The following ELF1 variants were observed in gnomAD, a reference collection of about 807,000 sequenced individuals.
ELF1 encodes ETS-related transcription factor Elf-1.
In ELF1, 24 loss-of-function variants were observed where a neutral mutation model predicts 59.9. That is an observed-to-expected ratio of 0.40 (90% confidence interval 0.29 to 0.56). The LOEUF (loss-of-function observed/expected upper bound fraction) is 0.56. ELF1 is among the 20% of genes least tolerant of loss of function. The pLI, the probability that ELF1 is intolerant of heterozygous loss-of-function variation, is 0.44. For missense variants in ELF1, 627 were observed against 742.2 expected (o/e 0.84, Z 1.80); for synonymous variants, 248 against 266.2 (o/e 0.93, Z 0.67).
intron 1 of ELF1, among the ~76,000 whole-genome samples, chr13:41,004,606 C>T (rs892999672): frequency 2.6e-5 from 4 of 152,056 alleles, no homozygotes; most frequent in African/African-American, 9.7e-5. Flanking sequence ...TAAGAATTTA[C>T]TTGGTAAACT....
At chr13:40,971,602 T>A (rs1872552767) in intron 2 of ELF1, among the ~76,000 whole-genome samples, 2 of 152,196 alleles carry the variant, frequency 1.3e-5, no homozygotes, top group Admixed American at 1.3e-4. Flanking sequence ...CACAGCACCA[T>A]CAAAAACATA....
At chr13:40,987,231 C>T (rs1232678741) in intron 1 of ELF1, among the ~76,000 whole-genome samples, 7 of 149,678 alleles carry the variant, frequency 4.7e-5, no homozygotes, top group Non-Finnish European at 7.4e-5. Flanking sequence ...CCACAGCACC[C>T]GGCCGAAAAT....
At chr13:40,996,387 G>A (rs1444289837) in intron 1 of ELF1, among the ~76,000 whole-genome samples, 1 of 152,152 alleles carries the variant, frequency 6.6e-6, no homozygotes, top group African/African-American at 2.4e-5. Context: ...ATTCATAATT[G>A]CCAAAACTTG....
chr13:40,970,424 C>T (rs2324743), intron 2 of ELF1, among the ~76,000 whole-genome samples: 20,991 of 152,132 alleles, frequency 0.14, 1,725 homozygotes, highest in East Asian at 0.33. Flanking sequence ...CTATAGAAAA[C>T]GGGAAAAATA....
intron 1 of ELF1, among the ~76,000 whole-genome samples, chr13:41,025,765 G>A (rs1029122360): frequency 6.6e-6 from 1 of 152,206 alleles, no homozygotes; most frequent in Middle Eastern, 3.2e-3. Context: ...GAAGACAGAT[G>A]AATCTAGGAG....
chr13:40,982,831 T>C (rs1873355360), intron 1 of ELF1: 2 of 982,114 alleles, frequency 2.0e-6, no homozygotes, highest in Non-Finnish European at 2.4e-6. Context: ...AAAAGGCTTC[T>C]GATAAGTAAA....
In ELF1 at chr13:41,044,273, T is replaced by C. The variant is rs141872758; in HGVS notation, c.-229+16565A>G. Among the ~76,000 whole-genome samples the C allele has an allele frequency of 6.7e-3, 1,021 of 152,326 alleles. 13 individuals carry two copies. Among genetic ancestry groups the C allele is most frequent in the African/African-American group, 0.022 (897 of 41,578 alleles). On this transcript the variant is annotated intron_variant, in intron 1 of 1. Transcript: ENST00000405737. ...CCAATTTGATTTCCTCTTTTCCTAATTGAATACCCTTTATTTCTTTCTCCT... is the reference window on the plus strand; with the variant it reads ...CCAATTTGATTTCCTCTTTTCCTAACTGAATACCCTTTATTTCTTTCTCCT...
At chr13:41,013,538 A>G (rs995097495) in intron 1 of ELF1, among the ~76,000 whole-genome samples, 2 of 152,220 alleles carry the variant, frequency 1.3e-5, no homozygotes, top group African/African-American at 4.8e-5. Context: ...CGCAAAAGTC[A>G]GCATAGTAGT....
At chr13:41,037,568 G>A (rs554393557) in intron 1 of ELF1, among the ~76,000 whole-genome samples, 18 of 152,128 alleles carry the variant, frequency 1.2e-4, no homozygotes, top group Middle Eastern at 3.4e-3. Context: ...AGACCGAGGC[G>A]GATGGATCAT....
intron 1 of ELF1, among the ~76,000 whole-genome samples, chr13:41,039,219 G>T (rs912577612): frequency 6.6e-6 from 1 of 150,582 alleles, no homozygotes; most frequent in African/African-American, 2.4e-5. Flanking sequence ...GGGTAACACG[G>T]CAATACCCCA....
At chr13:41,012,668 C>T (rs11147832) in intron 1 of ELF1, among the ~76,000 whole-genome samples, 20,309 of 151,148 alleles carry the variant, frequency 0.13, 1,948 homozygotes, top group East Asian at 0.32. Flanking sequence ...CTCAGCTTCT[C>T]GAGTAGCTGG....
At chr13:41,005,200 T>A (rs955118684) in intron 1 of ELF1, among the ~76,000 whole-genome samples, 4 of 151,956 alleles carry the variant, frequency 2.6e-5, no homozygotes, top group Admixed American at 1.3e-4. Context: ...ACAGAGCCAA[T>A]AAAAAAGTAT....
intron 1 of ELF1, among the ~76,000 whole-genome samples, chr13:41,012,915 T>A (rs1875161107): frequency 6.6e-6 from 1 of 152,156 alleles, no homozygotes; most frequent in Non-Finnish European, 1.5e-5. Flanking sequence ...CTTTACTACA[T>A]ATATATCAAG....
intron 1 of ELF1, among the ~76,000 whole-genome samples, chr13:41,011,644 G>A (rs59018815): frequency 0.19 from 28,757 of 151,606 alleles, 2,908 homozygotes; most frequent in African/African-American, 0.24. Context: ...GGGTTTCATC[G>A]TATTTTGCAG....
At chr13:40,959,824 A>T (rs922568053) in intron 2 of ELF1, among the ~76,000 whole-genome samples, 2 of 152,226 alleles carry the variant, frequency 1.3e-5, no homozygotes, top group Non-Finnish European at 2.9e-5. Context: ...CATACAATTT[A>T]ATGTAAGTCA....
chr13:41,016,947 AATATATAT>A lies in ELF1; in HGVS notation c.-229+2273_-229+2280del, dbSNP rs1276103107. ...AAAAAAAAAAAAAAAAAAAAAAAAA[AATATATAT>A]ATATATATATATATATATATATATA... On this transcript the variant is annotated intron_variant, in intron 1 of 8. Transcript: ENST00000239882. 7.2e-3 allele frequency among the ~76,000 whole-genome samples: 177 copies of A among 24,732 alleles called. 2 individuals are homozygous for A. Among genetic ancestry groups the A allele is most frequent in the East Asian group, 0.024 (20 of 836 alleles). The allele number at this position is 24,732 out of a possible 152,430, so 16.2% of individuals were successfully genotyped here.
At chr13:40,985,004 C>T (rs1205762071) in intron 1 of ELF1, among the ~76,000 whole-genome samples, 1 of 152,210 alleles carries the variant, frequency 6.6e-6, no homozygotes, top group East Asian at 1.9e-4. Context: ...TAAATCAAAA[C>T]TGAAATGGCT....
intron 1 of ELF1, among the ~76,000 whole-genome samples, chr13:41,046,584 C>G (rs1033151572): frequency 6.6e-6 from 1 of 152,206 alleles, no homozygotes; most frequent in Admixed American, 6.5e-5. Flanking sequence ...GTTGAAAACT[C>G]TTTTCTTTAA....
intron 2 of ELF1, among the ~76,000 whole-genome samples, chr13:40,959,704 A>G (rs926344462): frequency 1.3e-5 from 2 of 152,254 alleles, no homozygotes; most frequent in Admixed American, 6.5e-5. Context: ...TGGGAAAATT[A>G]ACCCTCATTT....
Sources: allele counts gnomAD v4.1 joint callset (sites outside exome capture counted in the v4.1 genomes callset), GRCh38; gene constraint gnomAD v4.1.1; transcripts MANE v1.5; gene names NCBI Gene and HGNC (gene_info 2026-07-23, HGNC 2026-07-21).